Variants in TSPAN7 observed in about 807,000 individuals in gnomAD.
The protein encoded by TSPAN7 is tetraspanin-7.
A neutral mutation model predicts 17.6 loss-of-function variants in TSPAN7; 1 was observed. That is an observed-to-expected ratio of 0.06 (90% CI 0.02 to 0.27). TSPAN7 has a LOEUF of 0.27. Ranked by LOEUF, TSPAN7 falls within the 10% of genes least tolerant of loss-of-function variation. The pLI is 1.00. For missense variants in TSPAN7, 112 were observed against 201.7 expected, an observed-to-expected ratio of 0.56 and a Z score of 2.69; for synonymous variants, 78 against 79.0, an observed-to-expected ratio of 0.99 and a Z score of 0.07.
chrX:38,589,657 C>T (rs922699623), intron 1 of TSPAN7, among the ~76,000 whole-genome samples: 1 of 111,202 alleles, frequency 9.0e-6, no homozygotes, highest in African/African-American at 3.3e-5. Context: ...TGATATATAC[C>T]TTTTATATTA....
At chrX:38,579,532 G>T in intron 1 of TSPAN7, among the ~76,000 whole-genome samples, 1 of 111,413 alleles carries the variant, frequency 9.0e-6, no homozygotes, top group Middle Eastern at 4.6e-3. Context: ...GTTGCAGTGA[G>T]CCAAGATTGT....
chrX:38,661,834 TA>T (rs200146691), intron 1 of TSPAN7, among the ~76,000 whole-genome samples: 4 of 105,390 alleles, frequency 3.8e-5, no homozygotes, highest in Admixed American at 2.0e-4. Context: ...AGAGATGTTT[TA>T]AAAAAAAAAG....
chrX:38,612,465 T>A (rs1003650159), intron 1 of TSPAN7: 1 of 112,073 alleles, frequency 8.9e-6, no homozygotes, highest in African/African-American at 3.2e-5. Context: ...CATCTTGTGA[T>A]GAAAGTTCTC....
chrX:38,588,722 A>G (rs2069272955), intron 1 of TSPAN7, among the ~76,000 whole-genome samples: 1 of 111,807 alleles, frequency 8.9e-6, no homozygotes, highest in African/African-American at 3.2e-5. Flanking sequence ...ATAAAAGACT[A>G]TTTTTTGTTT....
At chrX:38,593,160 TC>T (rs894352866) in intron 1 of TSPAN7, among the ~76,000 whole-genome samples, 3 of 111,161 alleles carry the variant, frequency 2.7e-5, no homozygotes, top group Non-Finnish European at 1.9e-5. Flanking sequence ...TAACTTTTTT[TC>T]CCCTCTGGTG....
At chrX:38,602,751 G>C (rs2069353125) in intron 1 of TSPAN7, among the ~76,000 whole-genome samples, 1 of 111,596 alleles carries the variant, frequency 9.0e-6, no homozygotes, top group African/African-American at 3.3e-5. Flanking sequence ...TCTCTCAAAG[G>C]TGGTAACATT....
At chrX:38,628,241 G>A (rs1314823106) in intron 1 of TSPAN7, among the ~76,000 whole-genome samples, 1 of 112,870 alleles carries the variant, frequency 8.9e-6, no homozygotes, top group Non-Finnish European at 1.9e-5. Flanking sequence ...TAAGTCCCAA[G>A]CAAGGTATGC....
chrX:38,646,138 A>G, intron 1 of TSPAN7: 3 of 562,359 alleles, frequency 5.3e-6, no homozygotes, highest in Non-Finnish European at 7.6e-6. Context: ...TAGTTGGTGT[A>G]CTTTCTATAA....
At chrX:38,639,809 G>A (rs1327939222) in intron 1 of TSPAN7, among the ~76,000 whole-genome samples, 4 of 109,769 alleles carry the variant, frequency 3.6e-5, no homozygotes, top group Non-Finnish European at 7.6e-5. Flanking sequence ...TCTGAGCAAT[G>A]ATTCATGTCC....
intron 2 of TSPAN7, among the ~76,000 whole-genome samples, chrX:38,667,521 T>C (rs1034683309): frequency 8.9e-6 from 1 of 112,214 alleles, no homozygotes; most frequent in Non-Finnish European, 1.9e-5. Context: ...TAGTGATATA[T>C]GTGGGTGTGA....
At chrX:38,604,734 G>A (rs1268992909) in intron 1 of TSPAN7, among the ~76,000 whole-genome samples, 2 of 110,708 alleles carry the variant, frequency 1.8e-5, no homozygotes, top group Admixed American at 9.6e-5. Flanking sequence ...CTTCATCCCT[G>A]GGATGCAAGG....
chrX:38,680,753 A>G (rs1456990889), intron 5 of TSPAN7, among the ~76,000 whole-genome samples: 1 of 111,672 alleles, frequency 9.0e-6, no homozygotes, highest in African/African-American at 3.3e-5. Flanking sequence ...TCAAAATGCT[A>G]GTAACTATGT....
chrX:38,664,094 A>G (rs1354733948), intron 1 of TSPAN7, among the ~76,000 whole-genome samples: 3 of 112,489 alleles, frequency 2.7e-5, no homozygotes, highest in Non-Finnish European at 5.6e-5. Flanking sequence ...TGATAATGCT[A>G]CAGTGGAAAG....
intron 1 of TSPAN7, among the ~76,000 whole-genome samples, chrX:38,635,335 G>A (rs1490993764): frequency 9.0e-6 from 1 of 111,108 alleles, no homozygotes; most frequent in Admixed American, 9.5e-5. Flanking sequence ...TTTACCTTGG[G>A]TGCAAGGATT....
chrX:38,657,989 G>A (rs927082185), intron 1 of TSPAN7, among the ~76,000 whole-genome samples: 3 of 111,003 alleles, frequency 2.7e-5, no homozygotes, highest in Non-Finnish European at 5.7e-5. Flanking sequence ...AGAAGCTAGA[G>A]TTTGTGACAA....
At chrX:38,562,565 A>AGGG (rs1312157722) in intron 1 of TSPAN7, among the ~76,000 whole-genome samples, 3 of 52,197 alleles carry the variant, frequency 5.7e-5, no homozygotes, top group African/African-American at 2.0e-4. Flanking sequence ...AGGGGGGAGG[A>AGGG]GGAGGAGGGG....
chrX:38,597,785 G>A (rs751328053), intron 1 of TSPAN7, among the ~76,000 whole-genome samples: 11 of 111,433 alleles, frequency 9.9e-5, no homozygotes, highest in Non-Finnish European at 1.5e-4. Flanking sequence ...TTTCAACTGG[G>A]TGTCACATTT....
intron 5 of TSPAN7, among the ~76,000 whole-genome samples, chrX:38,677,444 G>T (rs1452767499): frequency 1.8e-5 from 2 of 111,683 alleles, no homozygotes; most frequent in Admixed American, 1.9e-4. Flanking sequence ...TTATAGGGAG[G>T]ATCTTTTGTT....
chrX:38,610,876 A>G (rs775017234), intron 1 of TSPAN7, among the ~76,000 whole-genome samples: 165 of 112,430 alleles, frequency 1.5e-3, no homozygotes, highest in Middle Eastern at 4.6e-3. Flanking sequence ...CATTGGTGTT[A>G]ATGTAACGTA....
Sources: allele counts gnomAD v4.1 joint callset (sites outside exome capture counted in the v4.1 genomes callset), GRCh38; gene constraint gnomAD v4.1.1; transcripts MANE v1.5; gene names NCBI Gene and HGNC (gene_info 2026-07-23, HGNC 2026-07-21).